PCDHA7: variants seen among roughly 807,000 people sequenced by gnomAD.
PCDHA7 encodes protocadherin alpha-7.
PCDHA7 carries 37 observed loss-of-function variants against 57.2 expected under a neutral mutation model. The ratio of observed to expected loss-of-function variants is 0.65; its 90% CI spans 0.50 to 0.85. PCDHA7 has a LOEUF of 0.85. Among genes scored for constraint, PCDHA7 ranks in the 40% least tolerant of loss-of-function variants. The probability of loss-of-function intolerance (pLI) is 0.00; values close to 1 mark genes in which losing one functional copy is unlikely to be tolerated. For missense variants in PCDHA7, 1,188 were observed against 1,241.8 expected (o/e 0.96, Z 0.65); for synonymous variants, 553 against 558.8 (o/e 0.99, Z 0.15).
rs573633705 is a variant in PCDHA7, at chr5:140,978,668, C to T, written c.2356-281C>T. ...TGTTCTTCCCGTAGTGTTTTAAGAACACAGACATGTATTGGGCAAGGCAAA... is the reference window on the plus strand; with the variant it reads ...TGTTCTTCCCGTAGTGTTTTAAGAATACAGACATGTATTGGGCAAGGCAAA... On this transcript the variant is annotated intron_variant, in intron 1 of 3. Coordinates refer to ENST00000525929, the MANE Select transcript of PCDHA7 (RefSeq NM_018910.3). 4.6e-5 allele frequency among the ~76,000 whole-genome samples: 7 copies of T among 152,362 alleles called. No homozygotes were observed. The East Asian group carries it at 1.3e-3, about 29-fold the overall frequency.
At chr5:140,999,327 G>A (rs1554256745) in intron 3 of PCDHA7, among the ~76,000 whole-genome samples, 1 of 152,200 alleles carries the variant, frequency 6.6e-6, no homozygotes, top group Non-Finnish European at 1.5e-5. Context: ...ATTGATCTGT[G>A]TGATTTATAA....
In PCDHA7 at chr5:140,871,291, G is replaced by T. The variant is rs2052917819; in HGVS notation, c.2355+34553G>T. 3 of 1,613,906 alleles carry T rather than the reference G, an allele frequency of 1.9e-6. No individual in the cohort carries two copies. Among genetic ancestry groups the T allele is most frequent in the African/African-American group, 2.7e-5 (2 of 75,070 alleles). ...GTGGTCGGCAACGCCCACTGAGGGC[G>T]CGTGCGCGCCGGGGAAGCCCACGCT... On this transcript the variant is annotated intron_variant, in intron 1 of 3. Transcript: ENST00000525929.
At chr5:140,943,592 T>C (rs900549060) in intron 1 of PCDHA7, among the ~76,000 whole-genome samples, 2 of 152,152 alleles carry the variant, frequency 1.3e-5, no homozygotes, top group African/African-American at 2.4e-5. Flanking sequence ...TGGGGCTGAA[T>C]TCTAAATATA....
At chr5:140,887,955 CT>C (rs2061644555) in intron 1 of PCDHA7, among the ~76,000 whole-genome samples, 1 of 152,088 alleles carries the variant, frequency 6.6e-6, no homozygotes, top group Non-Finnish European at 1.5e-5. Flanking sequence ...GTATAAGATT[CT>C]TTTTGTCTCT....
At chr5:140,924,906 T>A (rs199645977) in intron 1 of PCDHA7, among the ~76,000 whole-genome samples, 5,369 of 55,724 alleles carry the variant, frequency 0.096, 112 homozygotes, top group Non-Finnish European at 0.11. Context: ...AAAAAAAAAA[T>A]AAAATAAAAT....
At chr5:140,851,302 A>G (rs2042019677) in intron 1 of PCDHA7, 4 of 1,013,018 alleles carry the variant, frequency 3.9e-6, no homozygotes, top group Non-Finnish European at 3.7e-6. Context: ...AAAAATATAT[A>G]GCAATTGTTA....
intron 1 of PCDHA7, chr5:140,866,668 AT>A (rs2049485821): frequency 1.3e-5 from 2 of 152,156 alleles, no homozygotes; most frequent in African/African-American, 2.4e-5. Flanking sequence ...TCAAGAAATA[AT>A]AGCACTAGGT....
chr5:140,841,654 C>T lies in PCDHA7; in HGVS notation c.2355+4916C>T, dbSNP rs1270188852. ...GCATCCACCTGGAGGTGATCGTGGA[C>T]AGGCCGCTGCAGGTTTTCCATGTGG... On this transcript the variant is annotated intron_variant, in intron 1 of 3. Transcript: ENST00000525929. 3 of 1,613,998 alleles carry T rather than the reference C, an allele frequency of 1.9e-6. No homozygotes were observed. In the African/African-American group the frequency reaches 4.0e-5, roughly 22 times the overall value.
chr5:140,871,447 G>A, intron 1 of PCDHA7: 1 of 1,609,656 alleles, frequency 6.2e-7, no homozygotes, highest in Non-Finnish European at 8.5e-7. Context: ...TCTGAATAAA[G>A]AGGAGGAAGG....
Position 140,883,565 on chromosome 5 carries a change from C to T in PCDHA7, c.2355+46827C>T, listed in dbSNP as rs139159217. On this transcript the variant is annotated intron_variant, in intron 1 of 3. Transcript: ENST00000525929. ...GGTGACCGCGCGGGACGGGGGCTCG[C>T]CTTCGCTGTGGGCCACGGCCAGCGT... is the stretch of plus-strand genomic sequence containing the variant. 6.5e-5 allele frequency: 105 copies of T among 1,614,180 alleles called. 1 individual carries two copies. In the African/African-American group the frequency reaches 1.3e-3, roughly 20 times the overall value.
At chr5:140,968,909 G>A (rs782304408) in intron 1 of PCDHA7, 7 of 1,614,172 alleles carry the variant, frequency 4.3e-6, no homozygotes, top group Non-Finnish European at 5.1e-6. Context: ...ATTAAGCACA[G>A]TGTCTTTTAT....
rs370156477 is a variant in PCDHA7 at position 140,876,942 on chromosome 5, G to A, written c.2355+40204G>A. The A allele has an allele frequency of 2.2e-5, 35 of 1,613,660 alleles. 1 individual carries two copies. In the African/African-American group the frequency reaches 4.4e-4, roughly 20 times the overall value. On this transcript the variant is annotated intron_variant, in intron 1 of 3. Transcript: ENST00000525929. ...CGGACGCGCAGAAGAACGCGCTGGT[G>A]TCCTACTCGCTGGTGGAGCGGCGGG...
At chr5:140,939,603 C>T (rs1158258856) in intron 1 of PCDHA7, among the ~76,000 whole-genome samples, 1 of 152,068 alleles carries the variant, frequency 6.6e-6, no homozygotes, top group Non-Finnish European at 1.5e-5. Flanking sequence ...TGCTCAAAAA[C>T]AGAACAAGGA....
intron 1 of PCDHA7, chr5:140,882,688 A>G: frequency 1.2e-6 from 2 of 1,614,196 alleles, no homozygotes; most frequent in Non-Finnish European, 8.5e-7. Flanking sequence ...AGAAACGAAT[A>G]ATCATTGCAG....
chr5:140,871,301 C>T lies in PCDHA7; in HGVS notation c.2355+34563C>T, dbSNP rs781904724. 1.9e-6 allele frequency: 3 copies of T among 1,613,800 alleles called. No individual in the cohort carries two copies. In the African/African-American group the frequency reaches 4.0e-5, roughly 22 times the overall value. ...ACGCCCACTGAGGGCGCGTGCGCGC[C>T]GGGGAAGCCCACGCTGGTGTGCTCC... is the stretch of plus-strand genomic sequence containing the variant. On this transcript the variant is annotated intron_variant, in intron 1 of 3. Coordinates refer to ENST00000525929, the MANE Select transcript of PCDHA7 (RefSeq NM_018910.3).
intron 1 of PCDHA7, among the ~76,000 whole-genome samples, chr5:140,960,014 A>G (rs1380089859): frequency 6.6e-6 from 1 of 152,222 alleles, no homozygotes; most frequent in Non-Finnish European, 1.5e-5. Flanking sequence ...ATTTTGCATC[A>G]TGATTTTGTT....
intron 1 of PCDHA7, among the ~76,000 whole-genome samples, chr5:140,840,315 T>C (rs2150305652): frequency 5.9e-5 from 9 of 152,012 alleles, no homozygotes; most frequent in Non-Finnish European, 1.2e-4. Context: ...TTAACTTTGG[T>C]CGACTCATTT....
chr5:140,883,672 T>C (rs782302494), intron 1 of PCDHA7: 2 of 1,613,366 alleles, frequency 1.2e-6, no homozygotes, highest in Non-Finnish European at 1.7e-6. Context: ...AGGAAAACAA[T>C]CCGCCGGGCT....
chr5:140,871,419 C>T, intron 1 of PCDHA7: 1 of 1,613,732 alleles, frequency 6.2e-7, no homozygotes, highest in South Asian at 1.1e-5. Flanking sequence ...TGGCCTTCAG[C>T]CCCAGTCTTC....
Sources: gnomAD v4.1 joint callset for allele counts (sites outside exome capture counted in the v4.1 genomes callset) on GRCh38, gnomAD v4.1.1 for gene constraint, MANE v1.5 for transcripts, NCBI Gene and HGNC (gene_info 2026-07-23, HGNC 2026-07-21) for gene names.